Variants in PFKP observed in about 807,000 individuals in gnomAD.
The protein encoded by PFKP is ATP-dependent 6-phosphofructokinase, platelet type.
In PFKP, 101 loss-of-function variants were observed where a neutral mutation model predicts 94.3. The ratio of observed to expected loss-of-function variants is 1.07; its 90% confidence interval spans 0.91 to 1.26. The LOEUF is 1.26. PFKP is among the 50% of genes most tolerant of loss of function. The pLI, the probability that PFKP is intolerant of heterozygous loss-of-function variation, is 0.00. For synonymous variants in PFKP, 573 were observed against 432.6 expected (o/e 1.32, Z -4.03); for missense variants, 1,145 against 1,103.3 (o/e 1.04, Z -0.53).
intron 16 of PFKP, among the ~76,000 whole-genome samples, chr10:3,122,170 T>C (rs997172456): frequency 1.8e-4 from 28 of 152,172 alleles, no homozygotes; most frequent in African/African-American, 6.5e-4. Flanking sequence ...AGCGTGTAGT[T>C]AGTTGAGCCT....
chr10:3,135,594 G>A (rs943032409), intron 20 of PFKP, 142 bp from the exon 21 acceptor site: 4 of 591,214 alleles, frequency 6.8e-6, no homozygotes, highest in South Asian at 4.1e-5. Context: ...CCACTGCGCG[G>A]CTGTTCTCAG....
intron 9 of PFKP, among the ~76,000 whole-genome samples, chr10:3,109,079 A>AGT (rs10673964): frequency 0.99 from 150,914 of 152,212 alleles, 74,833 homozygotes; most frequent in Middle Eastern, 1. Flanking sequence ...CTGTGTTTCT[A>AGT]GTGAGTTTCT....
At chr10:3,081,355 A>G (rs554733445) in intron 1 of PFKP, among the ~76,000 whole-genome samples, 1 of 152,304 alleles carries the variant, frequency 6.6e-6, no homozygotes, top group South Asian at 2.1e-4. Context: ...CAGTCCTTTC[A>G]TTTGTGGTTT....
chr10:3,086,038 C>A (rs560831974), intron 2 of PFKP, among the ~76,000 whole-genome samples: 33 of 152,158 alleles, frequency 2.2e-4, no homozygotes, highest in Middle Eastern at 3.4e-3. Context: ...GAGACAGTAC[C>A]ACACCCGTCC....
At chr10:3,109,733 CCT>C (rs780560785) in intron 10 of PFKP, among the ~76,000 whole-genome samples, 2 of 152,172 alleles carry the variant, frequency 1.3e-5, no homozygotes, top group Admixed American at 1.3e-4. Context: ...CGTAACCTCC[CCT>C]GAGTGGGGGT....
chr10:3,095,236 C>CGCGCATAGGTGAACTACGCA (rs559127368), intron 2 of PFKP, among the ~76,000 whole-genome samples: 1 of 151,600 alleles, frequency 6.6e-6, no homozygotes, highest in Non-Finnish European at 1.5e-5. Flanking sequence ...AGAAAGCCAC[C>CGCGCATAGGTGAACTACGCA]CATAGGTGAA....
intron 16 of PFKP, among the ~76,000 whole-genome samples, chr10:3,124,860 C>T (rs1296444402): frequency 6.6e-6 from 1 of 152,226 alleles, no homozygotes; most frequent in Non-Finnish European, 1.5e-5. Context: ...GCTGTGCTGC[C>T]TGCAGGCACC....
At chr10:3,101,996 A>G (rs1051819378) in intron 4 of PFKP, among the ~76,000 whole-genome samples, 3 of 152,076 alleles carry the variant, frequency 2.0e-5, no homozygotes, top group African/African-American at 7.2e-5. Flanking sequence ...TCACGCCTGT[A>G]ATCCCAGCAC....
chr10:3,069,334 G>C (rs1245819611), intron 1 of PFKP: 1 of 1,580,094 alleles, frequency 6.3e-7, no homozygotes, highest in Non-Finnish European at 8.6e-7. Flanking sequence ...AGAAACAGGA[G>C]AGTGAAGTGG....
rs1307241267 is a variant in PFKP, at chr10:3,133,254, T to C, written c.1962T>C (p.Tyr654=). 3 of 1,614,144 alleles carry C rather than the reference T, an allele frequency of 1.9e-6. No homozygotes were observed. The highest frequency in any genetic ancestry group is 2.2e-5 in the East Asian group (1 of 44,884). Residue 654 remains tyrosine, a synonymous_variant, in exon 19 of 22, where the codon TAT becomes TAC. Transcript: ENST00000381125. ...NYTTDFIYQL[Y]SEEGKGVFDC... ...CCACCGACTTCATTTACCAGCTGTA[T>C]TCAGAAGAGGGCAAAGGCGTGTTTG...
chr10:3,133,937 C>T (rs949494744), intron 19 of PFKP, among the ~76,000 whole-genome samples: 1 of 152,194 alleles, frequency 6.6e-6, no homozygotes, highest in African/African-American at 2.4e-5. Flanking sequence ...GATTATCAGA[C>T]ATGTAGTATA....
intron 13 of PFKP, among the ~76,000 whole-genome samples, chr10:3,114,970 T>C (rs999401936): frequency 6.6e-6 from 1 of 152,054 alleles, no homozygotes; most frequent in South Asian, 2.1e-4. Context: ...TAGCAAGAGA[T>C]GGTGGGTCCA....
chr10:3,111,565 T>G (rs187328744), intron 10 of PFKP, among the ~76,000 whole-genome samples: 1 of 152,136 alleles, frequency 6.6e-6, no homozygotes, highest in Non-Finnish European at 1.5e-5. Context: ...CACCTGCTGT[T>G]TGTCAGGCGT....
Position 3,107,220 on chromosome 10 carries a change from G to T in PFKP, c.781G>T (p.Ala261Ser). 1 of 1,603,758 alleles carries T rather than the reference G, an allele frequency of 6.2e-7. No homozygotes were observed. Residue 261 changes from alanine (A) to serine (S), a missense_variant, in exon 8 of 22, where the codon GCC becomes TCC. Transcript: ENST00000381125. ...TAATTTTCTGTCTCCACAGAACCGT[G>T]CCCGGAAAAAAAGGCTGAATATTAT... ...QMCVKLSENR[A>S]RKKRLNIIIV... is the part of the protein sequence containing the mutation.
intron 16 of PFKP, among the ~76,000 whole-genome samples, 189 bp downstream of exon 16, chr10:3,120,233 G>A (rs911609212): frequency 6.6e-5 from 10 of 152,138 alleles, no homozygotes; most frequent in African/African-American, 2.4e-4. Context: ...CTCCCAGAGA[G>A]TTTTACCACC....
chr10:3,133,711 C>G (rs1264945528), intron 19 of PFKP, among the ~76,000 whole-genome samples: 4 of 151,782 alleles, frequency 2.6e-5, no homozygotes, highest in Admixed American at 2.0e-4. Flanking sequence ...GAATACAGGC[C>G]TGAGCCACTG....
chr10:3,080,539 A>AAG (rs1491311660), intron 1 of PFKP, among the ~76,000 whole-genome samples: 4 of 113,662 alleles, frequency 3.5e-5, no homozygotes, highest in African/African-American at 1.1e-4. Flanking sequence ...AAAAAAAAAA[A>AAG]AGAGAATATT....
At chr10:3,074,600 C>T (rs1051670320) in intron 1 of PFKP, among the ~76,000 whole-genome samples, 3 of 152,174 alleles carry the variant, frequency 2.0e-5, no homozygotes, top group East Asian at 1.9e-4. Flanking sequence ...AGACACATCC[C>T]GCCAAGGGGA....
chr10:3,125,642 C>A (rs901169071), intron 16 of PFKP, among the ~76,000 whole-genome samples: 2 of 152,214 alleles, frequency 1.3e-5, no homozygotes, highest in Non-Finnish European at 2.9e-5. Flanking sequence ...GCCGTACCCA[C>A]TGGGGGCCGC....
Sources: gnomAD v4.1 joint callset for allele counts (sites outside exome capture counted in the v4.1 genomes callset) on GRCh38, gnomAD v4.1.1 for gene constraint, MANE v1.5 for transcripts, NCBI Gene and HGNC (gene_info 2026-07-23, HGNC 2026-07-21) for gene names.